Variants in UGT2B7 observed in about 807,000 individuals in gnomAD.
UGT2B7 encodes the protein UDP glucuronosyltransferase family 2 member B7, also known as UDP-glucuronosyltransferase 2B7.
A neutral mutation model predicts 51.9 loss-of-function variants in UGT2B7; 51 were observed. The observed-to-expected ratio is 0.98, with a 90% CI of 0.78 to 1.24. UGT2B7 has a LOEUF of 1.24. Ranked by LOEUF, UGT2B7 falls within the 50% of genes most tolerant of loss-of-function variation. The probability of loss-of-function intolerance (pLI) is 0.00; values close to 1 mark genes in which losing one functional copy is unlikely to be tolerated. For missense variants in UGT2B7, 727 were observed against 628.4 expected, an observed-to-expected ratio of 1.16 and a Z score of -1.68; for synonymous variants, 225 against 211.6, an observed-to-expected ratio of 1.06 and a Z score of -0.55.
At position 69,107,251 on chromosome 4, in the gene UGT2B7, A is replaced by AT. The variant is rs760386350; in HGVS notation, c.1080dup (p.Asp361Ter). On this transcript the variant is annotated frameshift_variant, in exon 4 of 6. Coordinates refer to ENST00000305231, the MANE Select transcript of UGT2B7 (RefSeq NM_001074.4). LOFTEE classifies it high-confidence loss of function. ...CGGCTCTACAAGTGGATACCCCAGAATGACCTTCTAGGTAAGACTCTGGTG... is the reference window on the plus strand; with the variant it reads ...CGGCTCTACAAGTGGATACCCCAGAATTGACCTTCTAGGTAAGACTCTGGTG... 2 of 1,607,904 alleles carry AT rather than the reference A, an allele frequency of 1.2e-6. No homozygotes were observed. Among genetic ancestry groups the AT allele is most frequent in the Non-Finnish European group, 1.7e-6 (2 of 1,176,260 alleles).
chr4:69,094,915 G>A (rs373455811), upstream of UGT2B7, among the ~76,000 whole-genome samples: 28 of 152,248 alleles, frequency 1.8e-4, no homozygotes, highest in East Asian at 2.7e-3. Context: ...ATCTTCACCA[G>A]GAGTAGATTC....
chr4:69,094,129 C>CTTTTTTTT (rs71204074), upstream of UGT2B7, among the ~76,000 whole-genome samples: 2 of 54,118 alleles, frequency 3.7e-5, no homozygotes, highest in African/African-American at 1.1e-4. Context: ...GTTTTGGTTT[C>CTTTTTTTT]TTTTTTTTTT....
intron 1 of UGT2B7, among the ~76,000 whole-genome samples, chr4:69,052,601 G>A (rs1718059573): frequency 1.3e-5 from 2 of 149,264 alleles, no homozygotes; most frequent in South Asian, 4.2e-4. Context: ...AAGAAGGGGA[G>A]GCAAAATTTA....
intron 1 of UGT2B7, among the ~76,000 whole-genome samples, chr4:69,086,842 G>A (rs1290036887): frequency 6.6e-6 from 1 of 151,498 alleles, no homozygotes; most frequent in Non-Finnish European, 1.5e-5. Flanking sequence ...TTTTCTTTTA[G>A]TCTGTGTACA....
chr4:69,083,988 T>G (rs1718892895), intron 1 of UGT2B7, among the ~76,000 whole-genome samples: 1 of 152,108 alleles, frequency 6.6e-6, no homozygotes, highest in Non-Finnish European at 1.5e-5. Flanking sequence ...CAACTTTCCT[T>G]TTTTACTCTG....
intron 1 of UGT2B7, among the ~76,000 whole-genome samples, chr4:69,077,005 CCAGT>C (rs773049460): frequency 6.6e-6 from 1 of 152,162 alleles, no homozygotes; most frequent in Non-Finnish European, 1.5e-5. Context: ...ATATGGCTAG[CCAGT>C]TTTCCCAGCA....
chr4:69,112,111 C>G (rs1440249177), intron 5 of UGT2B7, among the ~76,000 whole-genome samples: 1 of 152,166 alleles, frequency 6.6e-6, no homozygotes, highest in African/African-American at 2.4e-5. Context: ...TAAAGATCGA[C>G]CCCTGACCTA....
chr4:69,070,444 A>C (rs2109868112), intron 1 of UGT2B7, among the ~76,000 whole-genome samples: 1 of 150,474 alleles, frequency 6.6e-6, no homozygotes, highest in South Asian at 2.1e-4. Flanking sequence ...TCAGAAAAAA[A>C]AAAAAGAAAA....
At chr4:69,081,638 C>A (rs1190067703) in intron 1 of UGT2B7, among the ~76,000 whole-genome samples, 1 of 152,060 alleles carries the variant, frequency 6.6e-6, no homozygotes, top group Admixed American at 6.6e-5. Flanking sequence ...ATCAGGACTT[C>A]TCTCCTTCTG....
Position 69,102,824 on chromosome 4 carries a change from A to C in UGT2B7, c.888A>C (p.Val296=). The stretch of plus-strand genomic sequence containing the variant: ...CTTCACAGGAAATGGAAGACTTTGT[A>C]CAGAGCTCTGGAGAAAATGGTGTTG... ...KPLPKEMEDF[V]QSSGENGVVV... The change falls in exon 3 of 6, where the codon GTA becomes GTC. Residue 296 remains valine, a synonymous_variant. Transcript: ENST00000305231. 6.2e-7 allele frequency: 1 copy of C among 1,613,002 alleles called. No individual in the cohort carries two copies. Among genetic ancestry groups the C allele is most frequent in the Non-Finnish European group, 8.5e-7 (1 of 1,179,424 alleles).
At chr4:69,091,974 G>T (rs74804868), upstream of UGT2B7, among the ~76,000 whole-genome samples, 731 of 152,230 alleles carry the variant, frequency 4.8e-3, 7 homozygotes, top group African/African-American at 0.017. Flanking sequence ...ACAAGGTCTT[G>T]CTCTGTCACC....
At chr4:69,055,005 G>T (rs1718145081) in intron 1 of UGT2B7, among the ~76,000 whole-genome samples, 1 of 147,460 alleles carries the variant, frequency 6.8e-6, no homozygotes, top group East Asian at 2.0e-4. Flanking sequence ...TGTAATCCAG[G>T]AAGTGACCAG....
upstream of UGT2B7, among the ~76,000 whole-genome samples, chr4:69,096,183 C>A (rs1284099648): frequency 6.6e-6 from 1 of 152,150 alleles, no homozygotes; most frequent in Non-Finnish European, 1.5e-5. Flanking sequence ...GTCAAATGGA[C>A]TGCAGAAACA....
At chr4:69,074,010 T>C (rs770074803) in intron 1 of UGT2B7, among the ~76,000 whole-genome samples, 8 of 152,258 alleles carry the variant, frequency 5.3e-5, no homozygotes, top group East Asian at 1.9e-4. Flanking sequence ...TTTATATTAG[T>C]GACTCTTCCA....
At chr4:69,082,891 G>C (rs555329936) in intron 1 of UGT2B7, among the ~76,000 whole-genome samples, 1 of 152,174 alleles carries the variant, frequency 6.6e-6, no homozygotes, top group Non-Finnish European at 1.5e-5. Context: ...CCTGGCTTTA[G>C]AGCATTAAAA....
At chr4:69,066,304 C>T (rs965166089) in intron 1 of UGT2B7, 2 of 152,076 alleles carry the variant, frequency 1.3e-5, no homozygotes, top group Non-Finnish European at 2.9e-5. Context: ...ATTTTTTCTT[C>T]TCCTCCCTCC....
At chr4:69,078,631 C>T (rs1380955700) in intron 1 of UGT2B7, among the ~76,000 whole-genome samples, 1 of 152,112 alleles carries the variant, frequency 6.6e-6, no homozygotes, top group African/African-American at 2.4e-5. Context: ...GTTAAATGTT[C>T]TGGCCATGGG....
intron 2 of UGT2B7, among the ~76,000 whole-genome samples, chr4:69,099,381 C>T (rs752387498): frequency 2.0e-5 from 3 of 151,316 alleles, no homozygotes; most frequent in African/African-American, 7.3e-5. Context: ...GAGCCAGATA[C>T]GTATTAGGAG....
At chr4:69,057,388 G>A (rs967824593) in intron 1 of UGT2B7, among the ~76,000 whole-genome samples, 5 of 152,102 alleles carry the variant, frequency 3.3e-5, no homozygotes, top group African/African-American at 9.7e-5. Context: ...TAGAGGAAAT[G>A]TATCTTGTGG....
Sources: gnomAD v4.1 joint callset for allele counts (sites outside exome capture counted in the v4.1 genomes callset) on GRCh38, gnomAD v4.1.1 for gene constraint, MANE v1.5 for transcripts, NCBI Gene and HGNC (gene_info 2026-07-23, HGNC 2026-07-21) for gene names.